The following TNFRSF1A variants were observed in gnomAD, a reference collection of about 807,000 sequenced individuals.
TNFRSF1A encodes the protein tumor necrosis factor receptor superfamily member 1A.
Under a neutral mutation model 41.6 loss-of-function variants are expected in TNFRSF1A, and 9 were observed. The ratio of observed to expected loss-of-function variants is 0.22; its 90% CI spans 0.13 to 0.38. TNFRSF1A has a LOEUF of 0.38. TNFRSF1A is among the 10% of genes least tolerant of loss of function. The probability of loss-of-function intolerance (pLI) is 1.00; values close to 1 mark genes in which losing one functional copy is unlikely to be tolerated. For missense variants in TNFRSF1A, 463 were observed against 591.5 expected (o/e 0.78, Z 2.25); for synonymous variants, 254 against 248.6 (o/e 1.02, Z -0.21).
rs1565468077 is a variant in TNFRSF1A at position 6,333,677 on chromosome 12, TAGAC to T, written c.322+56_322+59del. The T allele has an allele frequency of 1.5e-5, 24 of 1,561,178 alleles. No homozygotes were observed. Among genetic ancestry groups the T allele is most frequent in the East Asian group, 4.8e-5 (2 of 41,894 alleles). On this transcript the variant is annotated intron_variant, in intron 3 of 9. Coordinates refer to ENST00000162749, the MANE Select transcript of TNFRSF1A (RefSeq NM_001065.4). The surrounding 1 kb of genome is among the most constrained non-coding windows in gnomAD (Gnocchi z 6.3). ...CTGCCCACACCCACCAGCCTGCACA[TAGAC>T]AGGCACCCACACACCACTCAAGACC...
rs1948132401 is a variant in TNFRSF1A, at chr12:6,337,180, G to A, written c.40-2936C>T. ...AGACTCCCCACCACTGGGCACCACTGCTGGCACCAGCTGGCCCCAGTAAGC... is the reference window on the plus strand; with the variant it reads ...AGACTCCCCACCACTGGGCACCACTACTGGCACCAGCTGGCCCCAGTAAGC... On this transcript the variant is annotated intron_variant, in intron 1 of 9. Coordinates refer to ENST00000162749, the MANE Select transcript of TNFRSF1A (RefSeq NM_001065.4). The surrounding 1 kb of genome is among the most constrained non-coding windows in gnomAD (Gnocchi z 4.6). 6.6e-6 allele frequency among the ~76,000 whole-genome samples: 1 copy of A among 152,210 alleles called. No individual in the cohort carries two copies. Among genetic ancestry groups the A allele is most frequent in the African/African-American group, 2.4e-5 (1 of 41,456 alleles).
intron 5 of TNFRSF1A, among the ~76,000 whole-genome samples, chr12:6,332,421 G>GA (rs1483091535): frequency 8.4e-6 from 1 of 118,394 alleles, no homozygotes; most frequent in African/African-American, 3.3e-5. Flanking sequence ...GTGACAGAGT[G>GA]AAACCCTGTC....
chr12:6,328,961 C>CA lies in TNFRSF1A; in HGVS notation c.*350dup, dbSNP rs201099296. The CA allele has an allele frequency of 9.8e-3, 2,969 of 303,608 alleles. 47 individuals are homozygous for CA. The highest frequency in any genetic ancestry group is 0.039 in the African/African-American group (1,795 of 46,546). 18.8% of individuals were successfully genotyped at this position (303,608 alleles called of 1,614,324 possible). On this transcript the variant is annotated 3_prime_UTR_variant, in exon 10 of 10. Coordinates refer to ENST00000162749, the MANE Select transcript of TNFRSF1A (RefSeq NM_001065.4). ...AAAACAAAACAAAACAAAACAAAAACAAAAAAAACTGCTTATGCACTGTGA... is the reference window on the plus strand; with the variant it reads ...AAAACAAAACAAAACAAAACAAAAACAAAAAAAAACTGCTTATGCACTGTGA...
At chr12:6,332,664 G>A (rs560492129) in intron 5 of TNFRSF1A, among the ~76,000 whole-genome samples, 3 of 152,178 alleles carry the variant, frequency 2.0e-5, no homozygotes, top group African/African-American at 7.2e-5. Flanking sequence ...AACCTAAGAC[G>A]CCATCAAGAA....
chr12:6,333,895 G>A lies in TNFRSF1A; in HGVS notation c.194-30C>T, dbSNP rs4149636. The A allele has an allele frequency of 2.1e-5, 33 of 1,601,332 alleles. No homozygotes were observed. In the African/African-American group the frequency reaches 4.0e-4, roughly 19 times the overall value. ...GAATGGGGCCGCAGAGTTAGGCTGC[G>A]GGTGAGAACACAAGGAAGGAGCCCC... On this transcript the variant is annotated intron_variant, in intron 2 of 9. Transcript: ENST00000162749. This position sits in a 1 kb window ranked among gnomAD's most constrained non-coding sequence, Gnocchi z 6.3.
Position 6,333,078 on chromosome 12 carries a change from G to T in TNFRSF1A, c.542C>A (p.Ser181Tyr). ...GFFLRENECV[S>Y]CSNCKKSLEC... ...TCTCAGAGATACTCACTTACTACAG[G>T]AGACACACTCGTTTTCTCTTAGAAA... Residue 181 changes from serine (S) to tyrosine (Y), a missense_variant, in exon 5 of 10, where the codon TCC (serine) becomes TAC (tyrosine). Around this residue, in one of 4 missense-constraint regions of TNFRSF1A, gnomAD observed 149 missense variants for 239.4 expected, o/e 0.62. Coordinates refer to ENST00000162749, the MANE Select transcript of TNFRSF1A (RefSeq NM_001065.4). This position sits in a 1 kb window ranked among gnomAD's most constrained non-coding sequence, Gnocchi z 6.3. The T allele has an allele frequency of 1.2e-6, 2 of 1,614,084 alleles. No homozygotes were observed. The highest frequency in any genetic ancestry group is 1.1e-5 in the South Asian group (1 of 91,070).
At chr12:6,339,380 G>A (rs538984313) in intron 1 of TNFRSF1A, among the ~76,000 whole-genome samples, 15 of 152,212 alleles carry the variant, frequency 9.9e-5, no homozygotes, top group South Asian at 2.1e-4. Flanking sequence ...GACAGGTCCC[G>A]TATGGGTGCT....
In TNFRSF1A at chr12:6,340,079, C is replaced by T. The variant is rs563389029; in HGVS notation, c.39+1697G>A. Among the ~76,000 whole-genome samples the T allele has an allele frequency of 9.2e-5, 14 of 152,280 alleles. 1 individual carries two copies. The highest frequency in any genetic ancestry group is 3.1e-4 in the African/African-American group (13 of 41,540). ...CCCTCTGTTTTCCCAACACAGGTAG[C>T]CACCCAGTAATTACTACTAGTCACA... On this transcript the variant is annotated intron_variant, in intron 1 of 9. Transcript: ENST00000162749.
chr12:6,330,752 G>A (rs1948039717), intron 6 of TNFRSF1A, 41 bp from the exon 7 acceptor site: 2 of 1,580,340 alleles, frequency 1.3e-6, no homozygotes, highest in Non-Finnish European at 1.7e-6. Context: ...GCGGGCAGAG[G>A]GGGGCCGCAG....
rs201376255 is a variant in TNFRSF1A at position 6,329,049 on chromosome 12, G to A, written c.*263C>T. ...CTTGCTGGTGAGGACACCCAAAACG[G>A]GCATGAGGCATAGCGTCCCTCATCC... On this transcript the variant is annotated 3_prime_UTR_variant, in exon 10 of 10. Coordinates refer to ENST00000162749, the MANE Select transcript of TNFRSF1A (RefSeq NM_001065.4). 3.7e-4 allele frequency: 149 copies of A among 400,720 alleles called. No homozygotes were observed. Among genetic ancestry groups the A allele is most frequent in the African/African-American group, 2.8e-3 (137 of 48,660 alleles). 24.8% of individuals were successfully genotyped at this position (400,720 alleles called of 1,614,324 possible).
At chr12:6,330,218 T>C in intron 8 of TNFRSF1A, 49 bp downstream of exon 8, 4 of 1,613,936 alleles carry the variant, frequency 2.5e-6, no homozygotes, top group African/African-American at 1.3e-5. Flanking sequence ...TAGGCAATTA[T>C]AAGGAATGGT....
At position 6,334,461 on chromosome 12, in the gene TNFRSF1A, C is replaced by T. The variant is rs77949925; in HGVS notation, c.40-217G>A. Among the ~76,000 whole-genome samples, 2,557 of 152,044 alleles carry T rather than the reference C, an allele frequency of 0.017. 78 individuals carry two copies. Among genetic ancestry groups the T allele is most frequent in the East Asian group, 0.08 (415 of 5,176 alleles). ...TTGTTCTCTAGTTGTCCTGTGTGTT[C>T]ATTTTTGTTCCCTCAACTCAAAGCT... On this transcript the variant is annotated intron_variant, in intron 1 of 9. Coordinates refer to ENST00000162749, the MANE Select transcript of TNFRSF1A (RefSeq NM_001065.4). The surrounding 1 kb of genome is among the most constrained non-coding windows in gnomAD (Gnocchi z 5.1).
In TNFRSF1A at chr12:6,328,911, C is replaced by T. The variant is rs199684585; in HGVS notation, c.*401G>A. ...CAGAGGGCACAGGAGTGCCAAGTTT[C>T]TATTAGTGTAACATGATTGATTTAA... On this transcript the variant is annotated 3_prime_UTR_variant, in exon 10 of 10. Transcript: ENST00000162749. 2 of 192,640 alleles carry T rather than the reference C, an allele frequency of 1.0e-5. No homozygotes were observed. Among genetic ancestry groups the T allele is most frequent in the South Asian group, 3.8e-4 (2 of 5,260 alleles). 11.9% of individuals were successfully genotyped at this position (192,640 alleles called of 1,614,324 possible).
chr12:6,334,064 G>T lies in TNFRSF1A; in HGVS notation c.193+27C>A. 6.2e-7 allele frequency: 1 copy of T among 1,614,094 alleles called. No individual in the cohort carries two copies. The highest frequency in any genetic ancestry group is 8.5e-7 in the Non-Finnish European group (1 of 1,179,936). On this transcript the variant is annotated intron_variant, in intron 2 of 9. Transcript: ENST00000162749. The surrounding 1 kb of genome is among the most constrained non-coding windows in gnomAD (Gnocchi z 5.1). The stretch of plus-strand genomic sequence containing the variant: ...AAGAAGCAGCACCCCAGACCTGAGG[G>T]CATTCACCGTTTCCACTTGCCCCTA...
rs761189519 is a variant in TNFRSF1A at position 6,329,536 on chromosome 12, C to T, written c.1144G>A (p.Asp382Asn). The stretch of plus-strand genomic sequence containing the variant: ...AGCTCCAGCCGATCGATCTCGTGGT[C>T]GCTCAGCCCTAGGCGCCGCACGAAT... ...KEFVRRLGLSDHEIDRLELQN... is the reference protein window; with the variant it reads ...KEFVRRLGLSNHEIDRLELQN... Residue 382 changes from aspartate to asparagine, a missense_variant, in exon 10 of 10, where the codon GAC (aspartate) becomes AAC (asparagine). By Grantham distance (23) the Asp-to-Asn change is conservative (BLOSUM62 1). This residue lies in a region of TNFRSF1A where 277 missense variants were observed against 288.8 expected (regional missense o/e 0.96). Transcript: ENST00000162749. 1.3e-6 allele frequency: 2 copies of T among 1,594,612 alleles called. No homozygotes were observed. The highest frequency in any genetic ancestry group is 1.7e-6 in the Non-Finnish European group (2 of 1,177,836).
At position 6,337,845 on chromosome 12, in the gene TNFRSF1A, G is replaced by C. The variant is rs758363939; in HGVS notation, c.40-3601C>G. The stretch of plus-strand genomic sequence containing the variant: ...CTCAGCTCCCAGAACCAGACCTCCA[G>C]ACTGGGAGCAGATAAATATGGATCA... On this transcript the variant is annotated intron_variant, in intron 1 of 9. Coordinates refer to ENST00000162749, the MANE Select transcript of TNFRSF1A (RefSeq NM_001065.4). The surrounding 1 kb of genome is among the most constrained non-coding windows in gnomAD (Gnocchi z 4.6). Among the ~76,000 whole-genome samples the C allele has an allele frequency of 1.3e-5, 2 of 152,158 alleles. No homozygotes were observed. Among genetic ancestry groups the C allele is most frequent in the Admixed American group, 6.5e-5 (1 of 15,276 alleles).
chr12:6,333,234 G>A lies in TNFRSF1A; in HGVS notation c.473-87C>T. ...GAGGAAGTGACGAGGGACAGGGTGG[G>A]GGCGGCCAGAGAGGAGTTGGTTGTC... is the stretch of plus-strand genomic sequence containing the variant. On this transcript the variant is annotated intron_variant, in intron 4 of 9. Transcript: ENST00000162749. The surrounding 1 kb of genome is among the most constrained non-coding windows in gnomAD (Gnocchi z 6.3). The A allele has an allele frequency of 1.3e-6, 2 of 1,557,138 alleles. No individual in the cohort carries two copies. Among genetic ancestry groups the A allele is most frequent in the Admixed American group, 1.8e-5 (1 of 56,202 alleles).
rs895344667 is a variant in TNFRSF1A at position 6,337,456 on chromosome 12, G to A, written c.40-3212C>T. Among the ~76,000 whole-genome samples the A allele has an allele frequency of 3.9e-5, 6 of 152,150 alleles. No individual in the cohort carries two copies. The highest frequency in any genetic ancestry group is 2.1e-4 in the South Asian group (1 of 4,834). On this transcript the variant is annotated intron_variant, in intron 1 of 9. Transcript: ENST00000162749. The surrounding 1 kb of genome is among the most constrained non-coding windows in gnomAD (Gnocchi z 4.6). ...GAGATCGGCCTTGTGGTCTGACCCC[G>A]ATCCAGCCACCTTGCAGGGACCCAA... is the stretch of plus-strand genomic sequence containing the variant.
chr12:6,338,294 C>T (rs1948144983), intron 1 of TNFRSF1A, among the ~76,000 whole-genome samples: 1 of 152,092 alleles, frequency 6.6e-6, no homozygotes, highest in Non-Finnish European at 1.5e-5. Context: ...GGGCCCCATC[C>T]CTATCCCTGC....
Sources: gnomAD v4.1 joint callset for allele counts (sites outside exome capture counted in the v4.1 genomes callset) on GRCh38, gnomAD v4.1.1 for gene constraint, gnomAD v4.1.1 regional missense constraint, Gnocchi (gnomAD v3.1) non-coding constraint, MANE v1.5 for transcripts, NCBI Gene and HGNC (gene_info 2026-07-23, HGNC 2026-07-21) for gene names.